Variants in PRDM5 observed in about 807,000 individuals in gnomAD.
PRDM5 encodes the protein PR domain zinc finger protein 5.
In PRDM5, 56 loss-of-function variants were observed where a neutral mutation model predicts 81.2. That is an observed-to-expected ratio of 0.69 (90% CI 0.56 to 0.86). PRDM5 has a LOEUF of 0.86. PRDM5 is among the 40% of genes least tolerant of loss of function. The pLI is 0.00. For missense variants in PRDM5, 697 were observed against 770.1 expected, an observed-to-expected ratio of 0.91 and a Z score of 1.12; for synonymous variants, 267 against 256.4, an observed-to-expected ratio of 1.04 and a Z score of -0.39.
intron 13 of PRDM5, among the ~76,000 whole-genome samples, chr4:120,757,776 T>C (rs1744984892): frequency 6.6e-6 from 1 of 152,102 alleles, no homozygotes; most frequent in African/African-American, 2.4e-5. Flanking sequence ...TTTCTTCTTC[T>C]TCTTCTCCCA....
At chr4:120,849,425 G>A (rs1178635296) in intron 3 of PRDM5, among the ~76,000 whole-genome samples, 2 of 152,092 alleles carry the variant, frequency 1.3e-5, no homozygotes, top group African/African-American at 4.8e-5. Context: ...CAGAATTGGG[G>A]CAGAGCTGTG....
At chr4:120,809,262 A>T (rs1578826714) in intron 8 of PRDM5, among the ~76,000 whole-genome samples, 1 of 131,616 alleles carries the variant, frequency 7.6e-6, no homozygotes, top group African/African-American at 2.8e-5. Flanking sequence ...GGGAGGGGGG[A>T]GGGATAGCAT....
At chr4:120,867,384 T>C (rs192394421) in intron 2 of PRDM5, among the ~76,000 whole-genome samples, 7 of 152,302 alleles carry the variant, frequency 4.6e-5, no homozygotes, top group Admixed American at 3.3e-4. Context: ...CCAAAACATA[T>C]GTTTCTACAT....
intron 12 of PRDM5, among the ~76,000 whole-genome samples, chr4:120,780,626 G>A (rs1046949297): frequency 9.2e-5 from 14 of 151,974 alleles, no homozygotes; most frequent in Non-Finnish European, 1.6e-4. Flanking sequence ...ATCACTATAT[G>A]AACATTTTCT....
chr4:120,698,344 A>G (rs752609503), intron 15 of PRDM5, among the ~76,000 whole-genome samples: 2 of 152,138 alleles, frequency 1.3e-5, no homozygotes, highest in African/African-American at 4.8e-5. Context: ...TTTAGTTTCT[A>G]TAATGATCTA....
At chr4:120,921,166 G>A (rs995681987) in intron 1 of PRDM5, among the ~76,000 whole-genome samples, 5 of 152,140 alleles carry the variant, frequency 3.3e-5, no homozygotes, top group Non-Finnish European at 7.4e-5. Context: ...CTTTAAGGAA[G>A]GTCTGTTTGA....
intron 3 of PRDM5, among the ~76,000 whole-genome samples, chr4:120,823,394 C>T (rs1755544294): frequency 6.6e-6 from 1 of 152,100 alleles, no homozygotes; most frequent in South Asian, 2.1e-4. Context: ...GGACCAGCTG[C>T]ATGGTTTTTC....
At chr4:120,920,792 T>C (rs551670512) in intron 1 of PRDM5, among the ~76,000 whole-genome samples, 2 of 152,208 alleles carry the variant, frequency 1.3e-5, no homozygotes, top group South Asian at 2.1e-4. Flanking sequence ...AAAATCTGTA[T>C]GTGTTTTATT....
intron 13 of PRDM5, among the ~76,000 whole-genome samples, chr4:120,774,473 A>AT (rs962294370): frequency 6.6e-6 from 1 of 152,270 alleles, no homozygotes; most frequent in Admixed American, 6.5e-5. Flanking sequence ...TACTAGTGAA[A>AT]TAACTGCATA....
rs866550401 is a variant in PRDM5, at chr4:120,742,814, G to C, written c.1623+11739C>G. 6.7e-3 allele frequency among the ~76,000 whole-genome samples: 1,020 copies of C among 152,090 alleles called. 16 individuals are homozygous for C. The highest frequency in any genetic ancestry group is 0.023 in the African/African-American group (975 of 41,490). ...AAATCTACGTCTGATTGGTGTACCT[G>C]AAAGTGATGGGGAGAATGGAACCAA... On this transcript the variant is annotated intron_variant, in intron 14 of 15. Transcript: ENST00000264808.
chr4:120,836,563 T>G (rs1365400731), intron 3 of PRDM5, among the ~76,000 whole-genome samples: 3 of 152,234 alleles, frequency 2.0e-5, no homozygotes, highest in African/African-American at 7.2e-5. Context: ...AGCTTTGGTG[T>G]TAGATCAACT....
intron 2 of PRDM5, among the ~76,000 whole-genome samples, chr4:120,858,401 G>T (rs1305976154): frequency 3.3e-5 from 5 of 151,968 alleles, no homozygotes; most frequent in African/African-American, 1.2e-4. Flanking sequence ...CACATTGTTT[G>T]TCAGATTTAA....
intron 3 of PRDM5, among the ~76,000 whole-genome samples, chr4:120,848,322 T>C (rs979650337): frequency 6.6e-6 from 1 of 152,180 alleles, no homozygotes; most frequent in African/African-American, 2.4e-5. Context: ...GAAAGATTTT[T>C]AAGATCTGAA....
intron 14 of PRDM5, among the ~76,000 whole-genome samples, chr4:120,753,794 G>T (rs573521012): frequency 3.3e-5 from 5 of 152,240 alleles, no homozygotes; most frequent in African/African-American, 9.6e-5. Context: ...GCAGTGAAAA[G>T]TTGTATAGAG....
At chr4:120,810,298 A>G (rs1007399070) in intron 8 of PRDM5, among the ~76,000 whole-genome samples, 10 of 152,140 alleles carry the variant, frequency 6.6e-5, no homozygotes, top group African/African-American at 2.2e-4. Flanking sequence ...CTTAGAAGAG[A>G]TCTATTCCAG....
At chr4:120,772,262 C>G (rs973267844) in intron 13 of PRDM5, among the ~76,000 whole-genome samples, 1 of 152,160 alleles carries the variant, frequency 6.6e-6, no homozygotes, top group African/African-American at 2.4e-5. Context: ...CAGCAAAAAC[C>G]TTACTGATAG....
At chr4:120,888,588 A>C (rs1162710212) in intron 2 of PRDM5, among the ~76,000 whole-genome samples, 3 of 152,182 alleles carry the variant, frequency 2.0e-5, no homozygotes, top group Non-Finnish European at 4.4e-5. Context: ...TCTTGTACAA[A>C]TCTTTTAGTA....
At chr4:120,767,957 T>C (rs1318300580) in intron 13 of PRDM5, among the ~76,000 whole-genome samples, 1 of 152,194 alleles carries the variant, frequency 6.6e-6, no homozygotes, top group Non-Finnish European at 1.5e-5. Flanking sequence ...CTCCTTTGCC[T>C]TCTGCCATGA....
At chr4:120,772,214 C>CAA (rs1017411239) in intron 13 of PRDM5, among the ~76,000 whole-genome samples, 4 of 152,174 alleles carry the variant, frequency 2.6e-5, no homozygotes, top group Non-Finnish European at 5.9e-5. Context: ...CATGAGAACT[C>CAA]AGAGTCCCCT....
Sources: gnomAD v4.1 joint callset for allele counts (sites outside exome capture counted in the v4.1 genomes callset) on GRCh38, gnomAD v4.1.1 for gene constraint, MANE v1.5 for transcripts, NCBI Gene and HGNC (gene_info 2026-07-23, HGNC 2026-07-21) for gene names.